ANO3: variants seen among roughly 807,000 people sequenced by gnomAD.
ANO3 encodes anoctamin-3.
In ANO3, 99 loss-of-function variants were observed where a neutral mutation model predicts 144.8. The ratio of observed to expected loss-of-function variants is 0.68; its 90% CI spans 0.58 to 0.81. The LOEUF (loss-of-function observed/expected upper bound fraction) is 0.81, where lower values mean the gene tolerates loss of function less well. Among genes scored for constraint, ANO3 ranks in the 30% least tolerant of loss-of-function variants. ANO3 has a pLI of 0.00. For synonymous variants in ANO3, 414 were observed against 392.6 expected (o/e 1.05, Z -0.64); for missense variants, 905 against 1,202.2 (o/e 0.75, Z 3.66).
chr11:26,193,533 A>T (rs1851520211), intron 1 of ANO3, among the ~76,000 whole-genome samples: 1 of 152,064 alleles, frequency 6.6e-6, no homozygotes, highest in Non-Finnish European at 1.5e-5. Context: ...TTTAATTTTG[A>T]TTGCCCTTTA....
chr11:26,589,676 A>G (rs1175061962), intron 14 of ANO3, among the ~76,000 whole-genome samples: 3 of 152,124 alleles, frequency 2.0e-5, no homozygotes, highest in Non-Finnish European at 4.4e-5. Context: ...CATTTCATGT[A>G]AGCAGATCAC....
At chr11:26,649,255 G>A (rs1853447240) in intron 24 of ANO3, among the ~76,000 whole-genome samples, 1 of 152,000 alleles carries the variant, frequency 6.6e-6, no homozygotes, top group Non-Finnish European at 1.5e-5. Context: ...TTCTATTCAT[G>A]TACACATTTT....
chr11:26,646,614 G>T (rs1565164161), intron 23 of ANO3, among the ~76,000 whole-genome samples: 1 of 151,892 alleles, frequency 6.6e-6, no homozygotes, highest in Non-Finnish European at 1.5e-5. Flanking sequence ...ATTTTTGAGT[G>T]CCATTTCTCT....
chr11:26,487,238 A>C (rs997656304), intron 4 of ANO3, among the ~76,000 whole-genome samples: 3 of 152,146 alleles, frequency 2.0e-5, no homozygotes, highest in African/African-American at 7.2e-5. Flanking sequence ...TATTCTCATG[A>C]TAGTGAATAA....
At chr11:26,496,530 T>C (rs1353869280) in intron 4 of ANO3, among the ~76,000 whole-genome samples, 1 of 152,164 alleles carries the variant, frequency 6.6e-6, no homozygotes, top group Admixed American at 6.5e-5. Flanking sequence ...AACTCTTCAG[T>C]GTTGGTTTGT....
chr11:26,312,865 T>A (rs1353151348), intron 1 of ANO3, among the ~76,000 whole-genome samples: 1 of 152,246 alleles, frequency 6.6e-6, no homozygotes, highest in Non-Finnish European at 1.5e-5. Flanking sequence ...TTTGTCAATT[T>A]CGAAAGGCTT....
chr11:26,555,641 C>T (rs954972792), intron 13 of ANO3, among the ~76,000 whole-genome samples: 2 of 152,130 alleles, frequency 1.3e-5, no homozygotes, highest in Admixed American at 6.6e-5. Flanking sequence ...ACAAGAAATA[C>T]AACCCACTAG....
intron 4 of ANO3, among the ~76,000 whole-genome samples, chr11:26,475,700 T>C (rs1231884021): frequency 6.6e-6 from 1 of 152,048 alleles, no homozygotes; most frequent in African/African-American, 2.4e-5. Flanking sequence ...AATATGTATG[T>C]CTATCATAAA....
intron 1 of ANO3, among the ~76,000 whole-genome samples, chr11:26,270,479 T>C: frequency 6.6e-6 from 1 of 152,216 alleles, no homozygotes; most frequent in East Asian, 1.9e-4. Flanking sequence ...CATACTTTTA[T>C]TCTACGATCA....
At chr11:26,212,878 C>G (rs1173545883) in intron 1 of ANO3, among the ~76,000 whole-genome samples, 1 of 152,016 alleles carries the variant, frequency 6.6e-6, no homozygotes, top group Non-Finnish European at 1.5e-5. Flanking sequence ...TGCAGAAATC[C>G]TCAATAAAAT....
At chr11:26,509,256 C>G (rs1393716066) in intron 5 of ANO3, among the ~76,000 whole-genome samples, 2 of 151,956 alleles carry the variant, frequency 1.3e-5, no homozygotes, top group African/African-American at 4.8e-5. Context: ...TGTTCCGCTA[C>G]TGAGAAAAAG....
intron 4 of ANO3, among the ~76,000 whole-genome samples, chr11:26,464,316 G>A (rs1247715105): frequency 2.0e-5 from 3 of 151,738 alleles, no homozygotes; most frequent in Non-Finnish European, 4.4e-5. Flanking sequence ...CTGCCTCCCT[G>A]TGTCTGTCTG....
At chr11:26,320,893 T>C (rs1383010525) in intron 1 of ANO3, among the ~76,000 whole-genome samples, 1 of 152,194 alleles carries the variant, frequency 6.6e-6, no homozygotes, top group Non-Finnish European at 1.5e-5. Context: ...TAGCTCTCTG[T>C]ATTTTAGTAG....
intron 1 of ANO3, among the ~76,000 whole-genome samples, chr11:26,225,744 T>G (rs962333456): frequency 6.6e-6 from 1 of 152,158 alleles, no homozygotes; most frequent in African/African-American, 2.4e-5. Flanking sequence ...TCAGGCTTCT[T>G]TTTGGCCTAG....
intron 1 of ANO3, among the ~76,000 whole-genome samples, chr11:26,369,776 A>T (rs974849152): frequency 6.6e-6 from 1 of 152,000 alleles, no homozygotes; most frequent in Non-Finnish European, 1.5e-5. Context: ...TGAATACTCT[A>T]TTGTTTACTG....
intron 1 of ANO3, among the ~76,000 whole-genome samples, chr11:26,217,060 A>G (rs928668297): frequency 1.3e-5 from 2 of 151,978 alleles, no homozygotes; most frequent in South Asian, 2.1e-4. Context: ...AAGAATTTTT[A>G]ATTTTACTAA....
intron 1 of ANO3, among the ~76,000 whole-genome samples, chr11:26,357,437 T>C (rs1426927138): frequency 6.6e-6 from 1 of 152,152 alleles, no homozygotes; most frequent in Non-Finnish European, 1.5e-5. Flanking sequence ...TATTGTGGTT[T>C]TTATTTGAAT....
chr11:26,315,920 G>T (rs559308913), intron 1 of ANO3, among the ~76,000 whole-genome samples: 413 of 152,162 alleles, frequency 2.7e-3, no homozygotes, highest in Non-Finnish European at 3.4e-3. Flanking sequence ...TATTAATATT[G>T]ACTCTACCTC....
intron 1 of ANO3, among the ~76,000 whole-genome samples, chr11:26,325,377 G>A (rs995506003): frequency 6.6e-6 from 1 of 152,064 alleles, no homozygotes; most frequent in Non-Finnish European, 1.5e-5. Context: ...AGGAATTATA[G>A]TAAGGAAGTA....
Sources: allele counts gnomAD v4.1 joint callset (sites outside exome capture counted in the v4.1 genomes callset), GRCh38; gene constraint gnomAD v4.1.1; transcripts MANE v1.5; gene names NCBI Gene and HGNC (gene_info 2026-07-23, HGNC 2026-07-21).